The following SETBP1 variants were observed in gnomAD, a reference collection of about 807,000 sequenced individuals.
SETBP1 encodes SET-binding protein.
A neutral mutation model predicts 101.0 loss-of-function variants in SETBP1; 9 were observed. The observed-to-expected ratio is 0.09, with a 90% CI of 0.05 to 0.16. The LOEUF is 0.16. Among genes scored for constraint, SETBP1 ranks in the 10% least tolerant of loss-of-function variants. SETBP1 has a pLI of 1.00. For synonymous variants in SETBP1, 818 were observed against 788.5 expected, an observed-to-expected ratio of 1.04 and a Z score of -0.63; for missense variants, 1,858 against 2,033.8, an observed-to-expected ratio of 0.91 and a Z score of 1.66.
Position 44,816,458 on chromosome 18 carries a change from G to C in SETBP1, c.487-52772G>C, listed in dbSNP as rs78887320. ...GAAGGGAGGGAGCCCTTTGGGGCGG[G>C]GTTGGCCAGACTATGGGAAAGGCAA... On this transcript the variant is annotated intron_variant, in intron 2 of 5. Coordinates refer to ENST00000649279, the MANE Select transcript of SETBP1 (RefSeq NM_015559.3). Among the ~76,000 whole-genome samples the C allele has an allele frequency of 7.2e-4, 109 of 152,286 alleles. 1 individual carries two copies. In the East Asian group the frequency reaches 0.018, roughly 26 times the overall value.
chr18:44,700,720 G>A lies in SETBP1; in HGVS notation c.-172-455G>A, dbSNP rs908896773. 3.9e-5 allele frequency among the ~76,000 whole-genome samples: 6 copies of A among 152,082 alleles called. No homozygotes were observed. The East Asian group carries it at 9.7e-4, about 24-fold the overall frequency. Reference sequence around the variant, plus strand: ...GAGAGCTTGGCCCAGGCAGCCTGGGGGTTGTGCTCAGCTTTGCAAACTGTT... The same window carrying A: ...GAGAGCTTGGCCCAGGCAGCCTGGGAGTTGTGCTCAGCTTTGCAAACTGTT... On this transcript the variant is annotated intron_variant, in intron 1 of 5. Transcript: ENST00000649279.
intron 3 of SETBP1, among the ~76,000 whole-genome samples, chr18:44,875,688 G>T (rs541429738): frequency 1.3e-5 from 2 of 152,196 alleles, no homozygotes; most frequent in East Asian, 3.9e-4. Flanking sequence ...TATAGATGCC[G>T]GAAGATGTTC....
At chr18:44,725,512 C>T (rs893881378) in intron 2 of SETBP1, among the ~76,000 whole-genome samples, 1 of 152,128 alleles carries the variant, frequency 6.6e-6, no homozygotes, top group African/African-American at 2.4e-5. Context: ...AAAGATTCGG[C>T]TTTCATATTT....
chr18:44,968,295 A>G (rs1465402881), intron 4 of SETBP1, among the ~76,000 whole-genome samples: 2 of 152,236 alleles, frequency 1.3e-5, no homozygotes, highest in African/African-American at 4.8e-5. Context: ...TGAACAAGAA[A>G]GATAAAAGAT....
At chr18:44,713,294 A>G (rs1158380963) in intron 2 of SETBP1, among the ~76,000 whole-genome samples, 2 of 148,652 alleles carry the variant, frequency 1.3e-5, no homozygotes, top group Non-Finnish European at 3.0e-5. Flanking sequence ...CCCCTTTCCA[A>G]CTCCCTAAGG....
chr18:44,871,290 G>A (rs1365522435), intron 3 of SETBP1: 1 of 152,150 alleles, frequency 6.6e-6, no homozygotes, highest in Non-Finnish European at 1.5e-5. Flanking sequence ...GCTGTCCACA[G>A]GCATTGCACT....
chr18:44,793,034 A>G (rs2066267212), intron 2 of SETBP1, among the ~76,000 whole-genome samples: 1 of 152,210 alleles, frequency 6.6e-6, no homozygotes, highest in Non-Finnish European at 1.5e-5. Flanking sequence ...TGGCCAGATG[A>G]AGAAAGTCTC....
chr18:44,705,533 G>T (rs2069199586), intron 2 of SETBP1, among the ~76,000 whole-genome samples: 2 of 152,306 alleles, frequency 1.3e-5, no homozygotes, highest in South Asian at 4.1e-4. Context: ...ATTATGTGCT[G>T]CTTTTTGTTG....
intron 2 of SETBP1, among the ~76,000 whole-genome samples, chr18:44,820,286 A>G (rs543509345): frequency 1.3e-5 from 2 of 152,324 alleles, no homozygotes; most frequent in South Asian, 2.1e-4. Context: ...CAATCACACC[A>G]GTTGGTTGGC....
intron 2 of SETBP1, among the ~76,000 whole-genome samples, chr18:44,801,893 A>C (rs1179895030): frequency 2.0e-5 from 3 of 151,868 alleles, no homozygotes; most frequent in Non-Finnish European, 4.4e-5. Flanking sequence ...TAAAGTCATT[A>C]ATGTATTTAT....
At chr18:44,852,790 C>T (rs953423150) in intron 2 of SETBP1, among the ~76,000 whole-genome samples, 3 of 152,202 alleles carry the variant, frequency 2.0e-5, no homozygotes, top group African/African-American at 7.2e-5. Flanking sequence ...TAAGCATCTA[C>T]CAGCTTCTCC....
At chr18:45,010,297 C>T (rs1392102191) in intron 4 of SETBP1, among the ~76,000 whole-genome samples, 1 of 152,186 alleles carries the variant, frequency 6.6e-6, no homozygotes, top group African/African-American at 2.4e-5. Context: ...GGTAAATTCA[C>T]GCTCTAGTAG....
chr18:44,844,134 A>G (rs957147181), intron 2 of SETBP1, among the ~76,000 whole-genome samples: 1 of 152,148 alleles, frequency 6.6e-6, no homozygotes, highest in African/African-American at 2.4e-5. Flanking sequence ...TTCTCCCTCA[A>G]ATAAATTGGT....
At chr18:45,007,642 C>T (rs1391339047) in intron 4 of SETBP1, among the ~76,000 whole-genome samples, 3 of 152,154 alleles carry the variant, frequency 2.0e-5, no homozygotes, top group African/African-American at 4.8e-5. Context: ...TCCCAGTTTT[C>T]CTACCATCAT....
At chr18:44,816,279 G>A (rs905300613) in intron 2 of SETBP1, among the ~76,000 whole-genome samples, 3 of 152,180 alleles carry the variant, frequency 2.0e-5, no homozygotes, top group Admixed American at 2.0e-4. Flanking sequence ...AGAGGAGAGC[G>A]AAGGGGAGGG....
chr18:44,901,749 T>C (rs1453546578), intron 3 of SETBP1, among the ~76,000 whole-genome samples: 8 of 152,232 alleles, frequency 5.3e-5, no homozygotes, highest in Non-Finnish European at 1.2e-4. Context: ...AAACACTTGA[T>C]ACTGGGGAGA....
At chr18:44,754,129 C>T (rs1028239241) in intron 2 of SETBP1, among the ~76,000 whole-genome samples, 8 of 152,224 alleles carry the variant, frequency 5.3e-5, no homozygotes, top group Non-Finnish European at 8.8e-5. Context: ...TTGAAAATGA[C>T]TTGGATGCAG....
At chr18:44,787,872 AAAAAAAAAG>A (rs1416438118) in intron 2 of SETBP1, among the ~76,000 whole-genome samples, 15 of 128,464 alleles carry the variant, frequency 1.2e-4, no homozygotes, top group African/African-American at 4.5e-4. Flanking sequence ...AAAAAAAAAA[AAAAAAAAAG>A]AAAATTGTTC....
At position 45,021,423 on chromosome 18, in the gene SETBP1, G is replaced by A. The variant is rs548773128; in HGVS notation, c.4001-17062G>A. ...CTCTCCTGGTTAAACTGCCTGTATG[G>A]TTTCTATCTGCATATCTGTCCTCTT... On this transcript the variant is annotated intron_variant, in intron 4 of 5. Coordinates refer to ENST00000649279, the MANE Select transcript of SETBP1 (RefSeq NM_015559.3). 3.5e-4 allele frequency among the ~76,000 whole-genome samples: 54 copies of A among 152,278 alleles called. No individual in the cohort carries two copies. In the South Asian group the frequency reaches 0.011, roughly 30 times the overall value.
Sources: allele counts gnomAD v4.1 joint callset (sites outside exome capture counted in the v4.1 genomes callset), GRCh38; gene constraint gnomAD v4.1.1; transcripts MANE v1.5; gene names NCBI Gene and HGNC (gene_info 2026-07-23, HGNC 2026-07-21).